Variants in ITGB1 observed in about 807,000 individuals in gnomAD.
ITGB1 encodes the protein integrin beta-1.
ITGB1 carries 24 observed loss-of-function variants against 86.5 expected under a neutral mutation model. The ratio of observed to expected loss-of-function variants is 0.28; its 90% CI spans 0.20 to 0.39. ITGB1 has a LOEUF of 0.39. ITGB1 is among the 10% of genes least tolerant of loss of function. The pLI, the probability that ITGB1 is intolerant of heterozygous loss-of-function variation, is 1.00. For missense variants in ITGB1, 556 were observed against 946.9 expected, an observed-to-expected ratio of 0.59 and a Z score of 5.42; for synonymous variants, 323 against 316.8, an observed-to-expected ratio of 1.02 and a Z score of -0.21.
At chr10:32,943,960 G>A (rs1313398456) in intron 1 of ITGB1, among the ~76,000 whole-genome samples, 3 of 152,208 alleles carry the variant, frequency 2.0e-5, no homozygotes, top group African/African-American at 4.8e-5. Context: ...CAGTTGCATA[G>A]GTAAAAAGTC....
Position 32,928,315 on chromosome 10 carries a change from G to A in ITGB1, c.377-51C>T, listed in dbSNP as rs747409353. The A allele has an allele frequency of 1.5e-4, 111 of 751,186 alleles. 4 individuals are homozygous for A. The South Asian group carries it at 1.7e-3, about 11-fold the overall frequency. 46.5% of individuals were successfully genotyped at this position (751,186 alleles called of 1,614,324 possible). ...GAAACTTGCCTGTTGGCAATCAAAC[G>A]CAAACGAGAAAAACCAAATAAATGT... On this transcript the variant is annotated intron_variant, in intron 4 of 15. Coordinates refer to ENST00000302278, the MANE Select transcript of ITGB1 (RefSeq NM_002211.4).
intron 1 of ITGB1, among the ~76,000 whole-genome samples, chr10:32,938,714 T>C (rs1213405425): frequency 1.3e-5 from 2 of 152,230 alleles, no homozygotes; most frequent in Non-Finnish European, 2.9e-5. Flanking sequence ...ATCCTGCGAC[T>C]GGCGACTGGC....
At chr10:32,927,554 G>C (rs1199822620) in intron 5 of ITGB1, among the ~76,000 whole-genome samples, 1 of 152,210 alleles carries the variant, frequency 6.6e-6, no homozygotes, top group Non-Finnish European at 1.5e-5. Context: ...TACTCTGGGA[G>C]GCCAAGGCAG....
chr10:32,937,143 A>G (rs994047622), intron 1 of ITGB1, among the ~76,000 whole-genome samples: 7 of 152,256 alleles, frequency 4.6e-5, no homozygotes, highest in Non-Finnish European at 1.0e-4. Context: ...CATTCAGTAT[A>G]GTACTCTAGT....
chr10:32,946,902 T>C (rs2095032628), intron 1 of ITGB1, among the ~76,000 whole-genome samples: 1 of 151,858 alleles, frequency 6.6e-6, no homozygotes, highest in African/African-American at 2.4e-5. Context: ...TGGAGTGCAG[T>C]GGCATGATCT....
chr10:32,908,549 G>A lies in ITGB1; in HGVS notation c.2165-15C>T. 1 of 1,611,136 alleles carries A rather than the reference G, an allele frequency of 6.2e-7. No individual in the cohort carries two copies. Among genetic ancestry groups the A allele is most frequent in the South Asian group, 1.1e-5 (1 of 90,980 alleles). ...AGTGGGACACTCTGGAAAATAAGAAGGTAATAATGAGCACCACAAAGAGCT... is the reference window on the plus strand; with the variant it reads ...AGTGGGACACTCTGGAAAATAAGAAAGTAATAATGAGCACCACAAAGAGCT... On this transcript the variant is annotated splice_polypyrimidine_tract_variant and intron_variant, in intron 14 of 15. Transcript: ENST00000302278.
At chr10:32,919,794 G>T in intron 11 of ITGB1, 91 bp downstream of exon 11, 1 of 1,103,620 alleles carries the variant, frequency 9.1e-7, no homozygotes, top group Non-Finnish European at 1.4e-6. Flanking sequence ...GCTCCAAATA[G>T]AGAGATATTC....
At position 32,934,977 on chromosome 10, in the gene ITGB1, G is replaced by A. The variant is rs1055970285; in HGVS notation, c.67+515C>T. On this transcript the variant is annotated intron_variant, in intron 2 of 15. Transcript: ENST00000302278. ...TTCAAGATTCAGAGGACAGAACTGC[G>A]TATCCATTATTCCAGATGTGGAGCC... Among the ~76,000 whole-genome samples, 11 of 152,218 alleles carry A rather than the reference G, an allele frequency of 7.2e-5. No homozygotes were observed. The South Asian group carries it at 1.2e-3, about 17-fold the overall frequency.
Position 32,944,842 on chromosome 10 carries a change from G to T in ITGB1, c.1-9284C>A. Reference sequence around the variant, plus strand: ...CCAAAACTGTGGGCACTGATGATCTGACTGGGGATCCTCTCATTCAGCATG... The same window carrying T: ...CCAAAACTGTGGGCACTGATGATCTTACTGGGGATCCTCTCATTCAGCATG... On this transcript the variant is annotated intron_variant, in intron 1 of 15. Coordinates refer to ENST00000302278, the MANE Select transcript of ITGB1 (RefSeq NM_002211.4). 2.6e-6 allele frequency: 3 copies of T among 1,171,224 alleles called. No homozygotes were observed. In the South Asian group the frequency reaches 3.7e-5, roughly 14 times the overall value. 72.6% of individuals were successfully genotyped at this position (1,171,224 alleles called of 1,614,324 possible). A position where few individuals can be genotyped will look rare whatever the true frequency, so the allele number is the denominator to read the frequency against.
intron 15 of ITGB1, chr10:32,907,221 T>G (rs2094899169): frequency 2.2e-6 from 1 of 458,490 alleles, no homozygotes; most frequent in Non-Finnish European, 3.9e-6. Flanking sequence ...ACTATAAATG[T>G]CTTTTTTTTT....
intron 1 of ITGB1, chr10:32,944,539 T>C (rs1019960874): frequency 1.4e-5 from 6 of 442,498 alleles, no homozygotes; most frequent in East Asian, 6.1e-5. Flanking sequence ...GCACAGAAAT[T>C]AATGTGTTAG....
intron 1 of ITGB1, chr10:32,953,723 A>G (rs888798369): frequency 6.6e-6 from 1 of 152,190 alleles, no homozygotes; most frequent in African/African-American, 2.4e-5. Flanking sequence ...ACAGAAATTC[A>G]GTGGCAGACC....
intron 5 of ITGB1, among the ~76,000 whole-genome samples, chr10:32,926,422 GC>G (rs2094964751): frequency 6.6e-6 from 1 of 152,190 alleles, no homozygotes; most frequent in Non-Finnish European, 1.5e-5. Flanking sequence ...TGAAGGTACG[GC>G]CTGGTGGAAG....
At position 32,922,774 on chromosome 10, in the gene ITGB1, C is replaced by A. The variant is rs773202129; in HGVS notation, c.943-39G>T. The A allele has an allele frequency of 5.4e-6, 6 of 1,108,570 alleles. No individual in the cohort carries two copies. The South Asian group carries it at 8.6e-5, about 16-fold the overall frequency. 68.7% of individuals were successfully genotyped at this position (1,108,570 alleles called of 1,614,324 possible). ...TAATATAATTTAGTATTTAAATACA[C>A]CCTTATAATCTCTTCTAATTTTTCA... On this transcript the variant is annotated intron_variant, in intron 7 of 15. Coordinates refer to ENST00000302278, the MANE Select transcript of ITGB1 (RefSeq NM_002211.4).
At chr10:32,951,404 C>G (rs1431438541) in intron 1 of ITGB1, among the ~76,000 whole-genome samples, 1 of 151,712 alleles carries the variant, frequency 6.6e-6, no homozygotes, top group African/African-American at 2.4e-5. Context: ...ACTGGTACAG[C>G]ACCACCACCA....
chr10:32,953,856 G>A (rs1029923181), intron 1 of ITGB1: 9 of 152,182 alleles, frequency 5.9e-5, no homozygotes, highest in African/African-American at 2.2e-4. Context: ...AAGTCTTTCT[G>A]TCTTTAACTC....
At chr10:32,947,831 C>T (rs1379940892) in intron 1 of ITGB1, among the ~76,000 whole-genome samples, 1 of 152,064 alleles carries the variant, frequency 6.6e-6, no homozygotes, top group Non-Finnish European at 1.5e-5. Context: ...ATGGGGACAG[C>T]AGTATTTACC....
chr10:32,901,426 A>C lies in ITGB1; in HGVS notation c.*144T>G. On this transcript the variant is annotated 3_prime_UTR_variant, in exon 16 of 16. Coordinates refer to ENST00000302278, the MANE Select transcript of ITGB1 (RefSeq NM_002211.4). ...TACAACATTATTTTCAAAATAATAA[A>C]ACATTTTAAAAATTATACATATTGT... 1 of 535,036 alleles carries C rather than the reference A, an allele frequency of 1.9e-6. No homozygotes were observed. Among genetic ancestry groups the C allele is most frequent in the Admixed American group, 3.8e-5 (1 of 26,490 alleles). 33.1% of individuals were successfully genotyped at this position (535,036 alleles called of 1,614,324 possible). A position where few individuals can be genotyped will look rare whatever the true frequency, so the allele number is the denominator to read the frequency against.
Position 32,912,108 on chromosome 10 carries a change from C to T in ITGB1, c.1486G>A (p.Val496Ile), listed in dbSNP as rs914643932. ...CGACRCNEGR[V>I]GRHCECSTDE... ...GTGCTGCATTCACAATGTCTACCAA[C>T]ACGCCCTTCATTGCACCTGAAGAAA... is the stretch of plus-strand genomic sequence containing the variant. Residue 496 changes from valine (V) to isoleucine (I), a missense_variant, in exon 12 of 16, where the codon GTT becomes ATT. Physicochemically the swap from Val to Ile is conservative, Grantham distance 29. Transcript: ENST00000302278. 2.6e-5 allele frequency: 42 copies of T among 1,612,270 alleles called. No homozygotes were observed. Among genetic ancestry groups the T allele is most frequent in the Non-Finnish European group, 3.6e-5 (42 of 1,178,808 alleles).
Sources: gnomAD v4.1 joint callset for allele counts (sites outside exome capture counted in the v4.1 genomes callset) on GRCh38, gnomAD v4.1.1 for gene constraint, MANE v1.5 for transcripts, NCBI Gene and HGNC (gene_info 2026-07-23, HGNC 2026-07-21) for gene names.